ARHGAP6: variants seen among roughly 807,000 people sequenced by gnomAD.
ARHGAP6 encodes the protein rho GTPase-activating protein 6.
A neutral mutation model predicts 55.7 loss-of-function variants in ARHGAP6; 16 were observed. The observed-to-expected ratio is 0.29, with a 90% CI of 0.19 to 0.44. The LOEUF (loss-of-function observed/expected upper bound fraction) is 0.44. Ranked by LOEUF, ARHGAP6 falls within the 20% of genes least tolerant of loss-of-function variation. The pLI, the probability that ARHGAP6 is intolerant of heterozygous loss-of-function variation, is 1.00. For synonymous variants in ARHGAP6, 382 were observed against 360.9 expected, an observed-to-expected ratio of 1.06 and a Z score of -0.66; for missense variants, 698 against 808.9, an observed-to-expected ratio of 0.86 and a Z score of 1.66.
At chrX:11,145,603 C>T (rs758282785) in intron 10 of ARHGAP6, among the ~76,000 whole-genome samples, 3 of 112,278 alleles carry the variant, frequency 2.7e-5, no homozygotes, top group Non-Finnish European at 5.6e-5. Flanking sequence ...TTGTGAAGTG[C>T]ATCCCAGGGT....
intron 1 of ARHGAP6, among the ~76,000 whole-genome samples, chrX:11,478,681 G>GA (rs895120894): frequency 6.3e-5 from 7 of 111,263 alleles, no homozygotes; most frequent in South Asian, 3.8e-4. Flanking sequence ...TGCAAAGCAT[G>GA]AAAAAAAACC....
At chrX:11,300,548 T>G (rs1267754490) in intron 1 of ARHGAP6, 12 of 991,002 alleles carry the variant, frequency 1.2e-5, no homozygotes, top group Non-Finnish European at 1.7e-5. Context: ...TTATTGTAAA[T>G]GGTACTCACT....
intron 1 of ARHGAP6, among the ~76,000 whole-genome samples, chrX:11,429,864 G>T (rs974223337): frequency 8.9e-6 from 1 of 112,252 alleles, no homozygotes; most frequent in African/African-American, 3.2e-5. Context: ...TCACCATCTG[G>T]CATCTTTCAG....
intron 1 of ARHGAP6, among the ~76,000 whole-genome samples, chrX:11,509,402 T>C (rs1256767875): frequency 1.8e-5 from 2 of 111,636 alleles, no homozygotes; most frequent in Non-Finnish European, 3.8e-5. Context: ...AGATGTCTTC[T>C]TTAAGTTGTA....
chrX:11,419,219 A>G (rs766583809), intron 1 of ARHGAP6, among the ~76,000 whole-genome samples: 2 of 112,043 alleles, frequency 1.8e-5, no homozygotes, highest in Non-Finnish European at 3.8e-5. Context: ...AGTGTTGCTA[A>G]TTGCTGGGTG....
chrX:11,309,392 C>T (rs775590853), intron 1 of ARHGAP6, among the ~76,000 whole-genome samples: 4 of 109,029 alleles, frequency 3.7e-5, no homozygotes, highest in Non-Finnish European at 7.6e-5. Context: ...CTAGAGGAGC[C>T]GGCCAGGCAG....
intron 1 of ARHGAP6, among the ~76,000 whole-genome samples, chrX:11,490,436 A>G (rs894272045): frequency 2.7e-5 from 3 of 111,818 alleles, no homozygotes; most frequent in African/African-American, 9.8e-5. Context: ...AGTTGAACTG[A>G]AGCCCCAGAG....
At chrX:11,268,426 T>A (rs1379560765) in intron 1 of ARHGAP6, among the ~76,000 whole-genome samples, 1 of 112,034 alleles carries the variant, frequency 8.9e-6, no homozygotes, top group Non-Finnish European at 1.9e-5. Flanking sequence ...ATGTGTGCCA[T>A]GTATTCACTG....
intron 3 of ARHGAP6, among the ~76,000 whole-genome samples, chrX:11,195,222 C>T (rs1393980021): frequency 9.1e-6 from 1 of 110,386 alleles, no homozygotes; most frequent in African/African-American, 3.3e-5. Flanking sequence ...CATGGTGGTG[C>T]GTGCCTGTAA....
chrX:11,340,292 A>C (rs60605127), intron 1 of ARHGAP6, among the ~76,000 whole-genome samples: 16,267 of 109,746 alleles, frequency 0.15, 1,147 homozygotes, highest in Middle Eastern at 0.28. Context: ...TAGACTCCCA[A>C]CTCTCTTTTG....
At chrX:11,328,696 A>G (rs5933874) in intron 1 of ARHGAP6, among the ~76,000 whole-genome samples, 2,348 of 112,290 alleles carry the variant, frequency 0.021, 29 homozygotes, top group Middle Eastern at 0.064. Flanking sequence ...AGTTGTTGAG[A>G]ATTTCTGGGA....
chrX:11,208,057 T>C (rs1306594514), intron 2 of ARHGAP6, among the ~76,000 whole-genome samples: 3 of 112,087 alleles, frequency 2.7e-5, no homozygotes, highest in African/African-American at 9.7e-5. Context: ...AAGAAACATG[T>C]GTTGTTGCAG....
intron 1 of ARHGAP6, among the ~76,000 whole-genome samples, chrX:11,594,767 A>G (rs1440899076): frequency 8.9e-6 from 1 of 111,813 alleles, no homozygotes; most frequent in Non-Finnish European, 1.9e-5. Context: ...CCGGTACCAA[A>G]AAGGTTGGGG....
intron 2 of ARHGAP6, among the ~76,000 whole-genome samples, chrX:11,241,559 TGTGTGTGTGTGTGTGC>T (rs971491338): frequency 9.8e-6 from 1 of 102,530 alleles, no homozygotes; most frequent in Admixed American, 1.0e-4. Flanking sequence ...TGTGTGTGTG[TGTGTGTGTGTGTGTGC>T]GCGTGTGTCA....
At chrX:11,489,238 G>A (rs1011292365) in intron 1 of ARHGAP6, among the ~76,000 whole-genome samples, 1 of 111,849 alleles carries the variant, frequency 8.9e-6, no homozygotes, top group Admixed American at 9.5e-5. Context: ...TGAACCAAGG[G>A]CTTCAGAGAA....
At chrX:11,481,734 T>C (rs1037990699) in intron 1 of ARHGAP6, among the ~76,000 whole-genome samples, 3 of 112,795 alleles carry the variant, frequency 2.7e-5, no homozygotes, top group Non-Finnish European at 3.7e-5. Context: ...TTTTCTGAGA[T>C]TCCAATTTAA....
intron 1 of ARHGAP6, among the ~76,000 whole-genome samples, chrX:11,323,940 C>G (rs1183653215): frequency 9.2e-6 from 1 of 108,693 alleles, no homozygotes; most frequent in African/African-American, 3.3e-5. Flanking sequence ...AGCAGGCCAT[C>G]CATATCAATT....
intron 1 of ARHGAP6, among the ~76,000 whole-genome samples, chrX:11,506,719 T>G (rs1405687217): frequency 8.9e-6 from 1 of 111,903 alleles, no homozygotes; most frequent in African/African-American, 3.3e-5. Context: ...TGTGTCTTTA[T>G]AGCAGCATGA....
intron 1 of ARHGAP6, among the ~76,000 whole-genome samples, chrX:11,559,650 G>A (rs1371275626): frequency 9.0e-6 from 1 of 111,253 alleles, no homozygotes; most frequent in Non-Finnish European, 1.9e-5. Flanking sequence ...TAGGAGGGCC[G>A]GGCGCGGTGG....
Sources: gnomAD v4.1 joint callset for allele counts (sites outside exome capture counted in the v4.1 genomes callset) on GRCh38, gnomAD v4.1.1 for gene constraint, MANE v1.5 for transcripts, NCBI Gene and HGNC (gene_info 2026-07-23, HGNC 2026-07-21) for gene names.